Variants in RAB40B observed in about 807,000 individuals in gnomAD.
RAB40B encodes the protein ras-related protein Rab-40B.
In RAB40B, 21 loss-of-function variants were observed where a neutral mutation model predicts 24.0. That is an observed-to-expected ratio of 0.88 (90% CI 0.62 to 1.26). The LOEUF is 1.26. RAB40B is among the 50% of genes most tolerant of loss of function. RAB40B has a pLI of 0.00. For missense variants in RAB40B, 348 were observed against 390.5 expected, an observed-to-expected ratio of 0.89 and a Z score of 0.92; for synonymous variants, 167 against 169.8, an observed-to-expected ratio of 0.98 and a Z score of 0.13.
chr17:82,658,376 C>A, intron 5 of RAB40B, 115 bp downstream of exon 5: 1 of 1,253,654 alleles, frequency 8.0e-7, no homozygotes. Flanking sequence ...GCTCTGAGAA[C>A]GGACACAGTG....
intron 1 of RAB40B, among the ~76,000 whole-genome samples, chr17:82,672,298 C>T (rs4789824): frequency 0.73 from 55,226 of 75,514 alleles, 25,227 homozygotes; most frequent in African/African-American, 0.87. Context: ...CAAACTCACA[C>T]GCTCCCTGTA....
At chr17:82,671,128 C>A (rs1167043700) in intron 1 of RAB40B, among the ~76,000 whole-genome samples, 1 of 151,818 alleles carries the variant, frequency 6.6e-6, no homozygotes, top group East Asian at 1.9e-4. Flanking sequence ...GTCACTGACA[C>A]ACCCCACCCC....
chr17:82,685,070 A>T (rs1402048968), intron 1 of RAB40B, among the ~76,000 whole-genome samples: 1 of 151,372 alleles, frequency 6.6e-6, no homozygotes, highest in African/African-American at 2.4e-5. Flanking sequence ...CCGAGATCAT[A>T]CCATTGCACT....
intron 1 of RAB40B, among the ~76,000 whole-genome samples, chr17:82,687,753 TCATG>T (rs2046516400): frequency 1.3e-5 from 2 of 152,256 alleles, no homozygotes; most frequent in South Asian, 4.1e-4. Context: ...TGGCTGCCGA[TCATG>T]CAGGGCAGGT....
rs1023064645 is a variant in RAB40B at position 82,674,485 on chromosome 17, A to G, written c.143-9929T>C. ...TCTCTAGTAAAAATACAAAAAAAAA[A>G]AAAATTAGCCGGGTGTGGTGGCGGG... On this transcript the variant is annotated intron_variant, in intron 1 of 5. Transcript: ENST00000571995. Among the ~76,000 whole-genome samples the G allele has an allele frequency of 4.2e-5, 6 of 142,410 alleles. 1 individual carries two copies. The highest frequency in any genetic ancestry group is 9.3e-5 in the Non-Finnish European group (6 of 64,762). 93.4% of individuals were successfully genotyped at this position (142,410 alleles called of 152,430 possible).
chr17:82,685,479 G>A (rs917692573), intron 1 of RAB40B, among the ~76,000 whole-genome samples: 31 of 152,258 alleles, frequency 2.0e-4, no homozygotes, highest in South Asian at 6.2e-4. Flanking sequence ...TGTGTAGCCC[G>A]TAGGGTCCCA....
chr17:82,693,196 G>A (rs1035990479), intron 1 of RAB40B, among the ~76,000 whole-genome samples: 4 of 151,906 alleles, frequency 2.6e-5, no homozygotes, highest in Non-Finnish European at 5.9e-5. Context: ...TAGTAGAGAT[G>A]GGGTTTCACC....
At chr17:82,674,726 G>A (rs1351260485) in intron 1 of RAB40B, among the ~76,000 whole-genome samples, 1 of 152,000 alleles carries the variant, frequency 6.6e-6, no homozygotes, top group Non-Finnish European at 1.5e-5. Context: ...GGGCCTCCTT[G>A]TCACCTGCGT....
At position 82,698,473 on chromosome 17, in the gene RAB40B, G is replaced by C; in HGVS notation, c.124C>G (p.Pro42Ala). 6.7e-7 allele frequency: 1 copy of C among 1,482,184 alleles called. No individual in the cohort carries two copies. Among genetic ancestry groups the C allele is most frequent in the Non-Finnish European group, 9.0e-7 (1 of 1,106,552 alleles). 91.8% of individuals were successfully genotyped at this position (1,482,184 alleles called of 1,614,324 possible). ...CGCTCACCCGCCGGGTGGCCGTACG[G>C]GGACTCGGCCGCGCCATCCTGCAGG... ...ASLQDGAAES[P>A]YGHPAGIDYK... Residue 42 changes from proline (P) to alanine (A), a missense_variant, in exon 1 of 6, where the codon CCG becomes GCG. Transcript: ENST00000571995.
At chr17:82,690,626 A>G (rs1005559711) in intron 1 of RAB40B, among the ~76,000 whole-genome samples, 3 of 143,934 alleles carry the variant, frequency 2.1e-5, no homozygotes, top group African/African-American at 5.3e-5. Context: ...AATTGGAGGG[A>G]GCATGGAGTG....
At chr17:82,659,184 A>G in intron 4 of RAB40B, 1 of 281,818 alleles carries the variant, frequency 3.5e-6, no homozygotes, top group South Asian at 4.6e-5. Context: ...GGACACTCAT[A>G]CAGTGGGCTT....
chr17:82,683,670 G>A (rs2046466574), intron 1 of RAB40B, among the ~76,000 whole-genome samples: 1 of 151,908 alleles, frequency 6.6e-6, no homozygotes, highest in African/African-American at 2.4e-5. Flanking sequence ...AGCCAGGCCT[G>A]GTGGTGTGCA....
intron 1 of RAB40B, among the ~76,000 whole-genome samples, chr17:82,673,872 T>G (rs760125823): frequency 6.6e-6 from 1 of 152,232 alleles, no homozygotes; most frequent in Non-Finnish European, 1.5e-5. Context: ...AATCAGATAC[T>G]GGGCCTCCTG....
In RAB40B at chr17:82,664,527, G is replaced by A. The variant is rs527289793; in HGVS notation, c.172C>T (p.Leu58=). The change falls in exon 2 of 6, where the codon CTG becomes TTG. Residue 58 remains leucine, a synonymous_variant. Transcript: ENST00000571995. ...TGCAGCTTCACCCGCCGCCCGTCCA[G>A]CAGGATGGTGGTCGTCTTGTAGTCG... The part of the protein sequence containing the change: ...GIDYKTTTIL[L]DGRRVKLQLW... 3.1e-6 allele frequency: 5 copies of A among 1,613,626 alleles called. No homozygotes were observed. The African/African-American group carries it at 5.3e-5, about 17-fold the overall frequency.
At chr17:82,660,611 CTGCACACACG>C (rs1490526962) in intron 3 of RAB40B, among the ~76,000 whole-genome samples, 3 of 148,584 alleles carry the variant, frequency 2.0e-5, no homozygotes, top group Non-Finnish European at 3.0e-5. Flanking sequence ...CTGCACATAC[CTGCACACACG>C]TGCACACACA....
intron 3 of RAB40B, among the ~76,000 whole-genome samples, 195 bp downstream of exon 3, chr17:82,660,792 T>G (rs765769136): frequency 1.3e-5 from 2 of 152,248 alleles, no homozygotes; most frequent in African/African-American, 2.4e-5. Flanking sequence ...AATGCACGCT[T>G]ACATCCGTAA....
intron 1 of RAB40B, among the ~76,000 whole-genome samples, chr17:82,682,059 A>G (rs1381444493): frequency 6.6e-6 from 1 of 152,102 alleles, no homozygotes; most frequent in Non-Finnish European, 1.5e-5. Flanking sequence ...AAGAAAGAAA[A>G]GGCATGCAGA....
intron 1 of RAB40B, among the ~76,000 whole-genome samples, chr17:82,695,569 G>A (rs1190323566): frequency 6.6e-6 from 1 of 150,572 alleles, no homozygotes; most frequent in African/African-American, 2.5e-5. Flanking sequence ...ACATGGCCAG[G>A]TGCTGTGGCT....
In RAB40B at chr17:82,675,703, G is replaced by A. The variant is rs114683064; in HGVS notation, c.143-11147C>T. On this transcript the variant is annotated intron_variant, in intron 1 of 5. Coordinates refer to ENST00000571995, the MANE Select transcript of RAB40B (RefSeq NM_006822.3). The surrounding 1 kb of genome is among the most constrained non-coding windows in gnomAD (Gnocchi z 4.5). Reference sequence around the variant, plus strand: ...CATGTCCTCCCCTAGCTGGAGGGGCGAGGGAGCTCTTGGATGCTTCACTCA... The same window carrying A: ...CATGTCCTCCCCTAGCTGGAGGGGCAAGGGAGCTCTTGGATGCTTCACTCA... Among the ~76,000 whole-genome samples the A allele has an allele frequency of 2.0e-3, 304 of 152,252 alleles. 1 individual carries two copies. The highest frequency in any genetic ancestry group is 6.3e-3 in the African/African-American group (262 of 41,532).
Sources: gnomAD v4.1 joint callset for allele counts (sites outside exome capture counted in the v4.1 genomes callset) on GRCh38, gnomAD v4.1.1 for gene constraint, Gnocchi (gnomAD v3.1) non-coding constraint, MANE v1.5 for transcripts, NCBI Gene and HGNC (gene_info 2026-07-23, HGNC 2026-07-21) for gene names.